Variants in ATAD1 observed in about 807,000 individuals in gnomAD.
ATAD1 encodes outer mitochondrial transmembrane helix translocase.
ATAD1 carries 18 observed loss-of-function variants against 42.7 expected under a neutral mutation model. The observed-to-expected ratio is 0.42, with a 90% CI of 0.29 to 0.63. The LOEUF (loss-of-function observed/expected upper bound fraction) is 0.63. Ranked by LOEUF, ATAD1 falls within the 20% of genes least tolerant of loss-of-function variation. The probability of loss-of-function intolerance (pLI) is 0.19; values close to 1 mark genes in which losing one functional copy is unlikely to be tolerated. For missense variants in ATAD1, 294 were observed against 440.4 expected (o/e 0.67, Z 2.98); for synonymous variants, 132 against 143.1 (o/e 0.92, Z 0.55).
chr10:87,784,845 C>T (rs975306187), intron 4 of ATAD1, among the ~76,000 whole-genome samples, 175 bp from the exon 5 acceptor site: 6 of 152,158 alleles, frequency 3.9e-5, no homozygotes, highest in Non-Finnish European at 8.8e-5. Flanking sequence ...ATGTTCTAAG[C>T]TCAGTGTCAG....
intron 6 of ATAD1, among the ~76,000 whole-genome samples, chr10:87,775,420 CAAAAAAAAAA>C (rs35200026): frequency 4.2e-5 from 1 of 24,058 alleles, no homozygotes; most frequent in Non-Finnish European, 8.7e-5. Context: ...GACTCCATCT[CAAAAAAAAAA>C]AAAAAAAAAA....
Position 87,753,420 on chromosome 10 carries a change from A to G in ATAD1, c.*1267T>C, listed in dbSNP as rs1854094188. 6.6e-6 allele frequency: 1 copy of G among 152,224 alleles called. No individual in the cohort carries two copies. The highest frequency in any genetic ancestry group is 1.5e-5 in the Non-Finnish European group (1 of 68,034). 9.4% of individuals were successfully genotyped at this position (152,224 alleles called of 1,614,324 possible). A position where few individuals can be genotyped will look rare whatever the true frequency, so the allele number is the denominator to read the frequency against. ...ATACAGTAAAAGCAAAAACATATGA[A>G]GCATAATTTAATCTGATGATTCAGA... On this transcript the variant is annotated 3_prime_UTR_variant, in exon 10 of 10. Coordinates refer to ENST00000680024, the MANE Select transcript of ATAD1 (RefSeq NM_001321967.2).
At chr10:87,798,387 A>G (rs1467339250) in intron 2 of ATAD1, among the ~76,000 whole-genome samples, 3 of 152,168 alleles carry the variant, frequency 2.0e-5, no homozygotes, top group South Asian at 2.1e-4. Context: ...CGGAAGTAAC[A>G]TGGTCTTTGT....
upstream of ATAD1, chr10:87,819,285 A>C (rs1006636084): frequency 2.0e-5 from 3 of 150,630 alleles, no homozygotes; most frequent in African/African-American, 4.9e-5. Flanking sequence ...AAAAAAAAAA[A>C]AAAAAACCAC....
Position 87,790,376 on chromosome 10 carries a change from T to C in ATAD1, c.316A>G (p.Thr106Ala), listed in dbSNP as rs377218768. 6.2e-6 allele frequency: 10 copies of C among 1,612,986 alleles called. No homozygotes were observed. The highest frequency in any genetic ancestry group is 1.3e-5 in the African/African-American group (1 of 75,004). The change falls in exon 4 of 10, where the codon ACA (threonine) becomes GCA (alanine). Residue 106 changes from threonine (T) to alanine (A), a missense_variant. Thr to Ala is a moderately conservative substitution (Grantham distance 58, BLOSUM62 0). Transcript: ENST00000680024. ...LDDVITDLKD[T>A]VILPIKKKHL... ...TTCTTTTTGATAGGTAAGATGACTG[T>C]GTCTTTCAGATCCGTAATGACATCA... is the stretch of plus-strand genomic sequence containing the variant.
At chr10:87,784,790 T>C (rs1855748480) in intron 4 of ATAD1, 120 bp from the exon 5 acceptor site, 1 of 869,616 alleles carries the variant, frequency 1.1e-6, no homozygotes, top group Non-Finnish European at 1.7e-6. Context: ...TCTGCTTTTA[T>C]TTAATCTTGT....
intron 1 of ATAD1, chr10:87,817,862 C>T: frequency 1.0e-6 from 1 of 985,564 alleles, no homozygotes; most frequent in Non-Finnish European, 1.2e-6. Flanking sequence ...GACCTCAAAC[C>T]CCCACAGTGA....
chr10:87,788,405 A>G (rs1369795356), intron 4 of ATAD1, among the ~76,000 whole-genome samples: 1 of 149,934 alleles, frequency 6.7e-6, no homozygotes, highest in Non-Finnish European at 1.5e-5. Context: ...TTGAGGGTCA[A>G]AAAGTAAATT....
intron 8 of ATAD1, among the ~76,000 whole-genome samples, chr10:87,764,846 A>C (rs1290766273): frequency 1.3e-5 from 2 of 152,194 alleles, no homozygotes; most frequent in African/African-American, 4.8e-5. Flanking sequence ...GGGGGAAGCA[A>C]GATAAGGGAA....
intron 1 of ATAD1, among the ~76,000 whole-genome samples, chr10:87,839,341 C>A (rs1169676046): frequency 2.0e-5 from 3 of 152,132 alleles, no homozygotes; most frequent in Admixed American, 2.0e-4. Context: ...CTCTGAGAAG[C>A]TTGCCTCAAA....
At chr10:87,796,001 T>C (rs1284306154) in intron 2 of ATAD1, among the ~76,000 whole-genome samples, 2 of 152,238 alleles carry the variant, frequency 1.3e-5, no homozygotes, top group African/African-American at 4.8e-5. Context: ...GAATCACTGA[T>C]ATAAAGCTTT....
intron 2 of ATAD1, among the ~76,000 whole-genome samples, chr10:87,801,494 T>C (rs889026312): frequency 1.1e-5 from 1 of 92,500 alleles, no homozygotes; most frequent in African/African-American, 4.2e-5. Flanking sequence ...ATGTTATTAG[T>C]ATGTGTCCTA....
At chr10:87,768,058 C>A (rs1447872809) in intron 7 of ATAD1, among the ~76,000 whole-genome samples, 1 of 152,020 alleles carries the variant, frequency 6.6e-6, no homozygotes, top group Non-Finnish European at 1.5e-5. Flanking sequence ...TCCCTTCATG[C>A]AGGAAACTCA....
chr10:87,778,489 G>A (rs767562331), intron 5 of ATAD1, among the ~76,000 whole-genome samples: 5 of 152,004 alleles, frequency 3.3e-5, no homozygotes, highest in Non-Finnish European at 7.4e-5. Context: ...ACCCAAGTCC[G>A]GATATGAAAT....
At chr10:87,808,389 C>G (rs1475285807) in intron 2 of ATAD1, among the ~76,000 whole-genome samples, 1 of 149,576 alleles carries the variant, frequency 6.7e-6, no homozygotes, top group Non-Finnish European at 1.5e-5. Context: ...TGCTCCTAAT[C>G]ATAAAGAGAA....
In ATAD1 at chr10:87,799,146, T is replaced by C. The variant is rs368367044; in HGVS notation, c.163-6391A>G. On this transcript the variant is annotated intron_variant, in intron 2 of 9. Coordinates refer to ENST00000680024, the MANE Select transcript of ATAD1 (RefSeq NM_001321967.2). The stretch of plus-strand genomic sequence containing the variant: ...GCTAGCTTTAAAATTACTGGCAAAA[T>C]AATATTAGAAATATCTTAAGAATTG... 2.5e-4 allele frequency among the ~76,000 whole-genome samples: 38 copies of C among 152,312 alleles called. No individual in the cohort carries two copies. The East Asian group carries it at 4.6e-3, about 19-fold the overall frequency.
chr10:87,811,853 C>A (rs188054185), intron 2 of ATAD1, among the ~76,000 whole-genome samples: 23 of 152,290 alleles, frequency 1.5e-4, no homozygotes, highest in Admixed American at 6.5e-4. Flanking sequence ...CTACCACCAA[C>A]ACAAACCCAA....
intron 2 of ATAD1, among the ~76,000 whole-genome samples, chr10:87,800,253 G>A (rs150429280): frequency 0.013 from 1,974 of 151,990 alleles, 34 homozygotes; most frequent in Middle Eastern, 0.078. Flanking sequence ...ATTGATTCAC[G>A]TTTAATAAAT....
intron 3 of ATAD1, among the ~76,000 whole-genome samples, chr10:87,791,381 T>C (rs1037404196): frequency 7.9e-5 from 12 of 151,812 alleles, no homozygotes; most frequent in African/African-American, 2.9e-4. Context: ...AGCAATACTT[T>C]ACAATAGATT....
Sources: gnomAD v4.1 joint callset for allele counts (sites outside exome capture counted in the v4.1 genomes callset) on GRCh38, gnomAD v4.1.1 for gene constraint, MANE v1.5 for transcripts, NCBI Gene and HGNC (gene_info 2026-07-23, HGNC 2026-07-21) for gene names.